Variants in LMCD1 observed in about 807,000 individuals in gnomAD.
The protein encoded by LMCD1 is LIM and cysteine-rich domains protein 1.
LMCD1 carries 32 observed loss-of-function variants against 42.7 expected under a neutral mutation model. The ratio of observed to expected loss-of-function variants is 0.75; its 90% confidence interval spans 0.57 to 1.01. The LOEUF (loss-of-function observed/expected upper bound fraction) is 1.01. LMCD1 is among the 50% of genes least tolerant of loss of function. The pLI is 0.00. For synonymous variants in LMCD1, 178 were observed against 184.9 expected (o/e 0.96, Z 0.30); for missense variants, 458 against 483.1 (o/e 0.95, Z 0.49).
rs751600998 is a variant in LMCD1, at chr3:8,502,010, G to C, written c.42+30G>C. The C allele has an allele frequency of 5.3e-6, 8 of 1,499,998 alleles. No individual in the cohort carries two copies. In the Admixed American group the frequency reaches 1.1e-4, roughly 20 times the overall value. 92.9% of individuals were successfully genotyped at this position (1,499,998 alleles called of 1,614,324 possible). A position where few individuals can be genotyped will look rare whatever the true frequency, so the allele number is the denominator to read the frequency against. The stretch of plus-strand genomic sequence containing the variant: ...GTGGAAAGCTGTTTGTATTTACCCA[G>C]ATTCTTACTTTTTCTTGTTCCCCTT... On this transcript the variant is annotated intron_variant, in intron 1 of 5. Transcript: ENST00000157600.
At position 8,552,726 on chromosome 3, in the gene LMCD1, T is replaced by C. The variant is rs535779631; in HGVS notation, c.723+3823T>C. Among the ~76,000 whole-genome samples, 15 of 152,296 alleles carry C rather than the reference T, an allele frequency of 9.8e-5. No individual in the cohort carries two copies. In the East Asian group the frequency reaches 2.5e-3, roughly 25 times the overall value. On this transcript the variant is annotated intron_variant, in intron 4 of 5. Coordinates refer to ENST00000157600, the MANE Select transcript of LMCD1 (RefSeq NM_014583.4). Reference sequence around the variant, plus strand: ...AGATGTATTTGGCCTGCTGGCTCTATGTATGTATGTATTTTGAGATGGAGT... The same window carrying C: ...AGATGTATTTGGCCTGCTGGCTCTACGTATGTATGTATTTTGAGATGGAGT...
rs192552758 is a variant in LMCD1, at chr3:8,550,833, C to A, written c.723+1930C>A. On this transcript the variant is annotated intron_variant, in intron 4 of 5. Coordinates refer to ENST00000157600, the MANE Select transcript of LMCD1 (RefSeq NM_014583.4). ...CTAAGTTGGAAGGAGACCTCTAAGT[C>A]ACTGTAGCATTTCCAAATCGCCATT... is the stretch of plus-strand genomic sequence containing the variant. 3.7e-5 allele frequency: 36 copies of A among 985,202 alleles called. No individual in the cohort carries two copies. In the East Asian group the frequency reaches 3.5e-3, roughly 96 times the overall value. The allele number at this position is 985,202 out of a possible 1,614,324, so 61.0% of individuals were successfully genotyped here. A position where few individuals can be genotyped will look rare whatever the true frequency, so the allele number is the denominator to read the frequency against.
In LMCD1 at chr3:8,501,945, A is replaced by C. The variant is rs771691806; in HGVS notation, c.7A>C (p.Lys3Gln). Reference sequence around the variant, plus strand: ...TCCCCCACCCCAGAAGAGGATGGCAAAGGTGGCTAAGGACCTCAACCCAGG... The same window carrying C: ...TCCCCCACCCCAGAAGAGGATGGCACAGGTGGCTAAGGACCTCAACCCAGG... MA[K>Q]VAKDLNPGVK... The change falls in exon 1 of 6, where the codon AAG (lysine) becomes CAG (glutamine). Residue 3 changes from lysine (K) to glutamine (Q), a missense_variant. Coordinates refer to ENST00000157600, the MANE Select transcript of LMCD1 (RefSeq NM_014583.4). 1 of 1,594,064 alleles carries C rather than the reference A, an allele frequency of 6.3e-7. No homozygotes were observed. Among genetic ancestry groups the C allele is most frequent in the Non-Finnish European group, 8.5e-7 (1 of 1,171,514 alleles).
intron 1 of LMCD1, among the ~76,000 whole-genome samples, chr3:8,506,837 G>C (rs1323763987): frequency 6.6e-6 from 1 of 152,174 alleles, no homozygotes; most frequent in African/African-American, 2.4e-5. Flanking sequence ...GGCAGAATTT[G>C]GATGAGAACC....
chr3:8,510,324 C>G (rs1416991397), intron 1 of LMCD1, among the ~76,000 whole-genome samples: 1 of 152,184 alleles, frequency 6.6e-6, no homozygotes, highest in Non-Finnish European at 1.5e-5. Context: ...GCCAGCCAGT[C>G]TCCTTGTTAA....
In LMCD1 at chr3:8,570,198, G is replaced by A. The variant is rs1695190110; in HGVS notation, c.*2600G>A. 1 of 152,522 alleles carries A rather than the reference G, an allele frequency of 6.6e-6. No individual in the cohort carries two copies. Among genetic ancestry groups the A allele is most frequent in the Non-Finnish European group, 1.5e-5 (1 of 68,314 alleles). The allele number at this position is 152,522 out of a possible 1,614,324, so 9.4% of individuals were successfully genotyped here. On this transcript the variant is annotated 3_prime_UTR_variant, in exon 6 of 6. Transcript: ENST00000157600. ...GTGGCAGGAGCACAGAGCATGGTGA[G>A]GAGGGTGGGCCTGGGGCATGAGAGG...
chr3:8,561,862 T>G (rs1261258973), intron 4 of LMCD1, among the ~76,000 whole-genome samples: 1 of 130,890 alleles, frequency 7.6e-6, no homozygotes, highest in Non-Finnish European at 1.6e-5. Flanking sequence ...CCATTGTCGT[T>G]TCCATCATCA....
At chr3:8,553,876 C>T (rs956930986) in intron 4 of LMCD1, among the ~76,000 whole-genome samples, 1 of 152,152 alleles carries the variant, frequency 6.6e-6, no homozygotes, top group Non-Finnish European at 1.5e-5. Flanking sequence ...GAAGCGAGCC[C>T]TTTTCCATCA....
intron 3 of LMCD1, 176 bp downstream of exon 3, chr3:8,537,616 A>C: frequency 1.5e-6 from 1 of 662,962 alleles, no homozygotes; most frequent in Non-Finnish European, 2.4e-6. Context: ...AATGAAGACT[A>C]TCTGGGCCTC....
intron 1 of LMCD1, among the ~76,000 whole-genome samples, chr3:8,526,259 G>T (rs1313703708): frequency 6.6e-6 from 1 of 152,190 alleles, no homozygotes; most frequent in African/African-American, 2.4e-5. Flanking sequence ...AGAAAAACGT[G>T]TGAGGGCCCC....
Position 8,565,412 on chromosome 3 carries a change from G to A in LMCD1, c.724-20G>A, listed in dbSNP as rs760922727. ...TCTCCTGACTTCCTTGTCTCCTATG[G>A]TCCTTCCCCATCCTTCCAGGTCTGC... On this transcript the variant is annotated intron_variant, in intron 4 of 5. Transcript: ENST00000157600. 1.6e-5 allele frequency: 26 copies of A among 1,607,500 alleles called. No homozygotes were observed. The highest frequency in any genetic ancestry group is 6.6e-5 in the South Asian group (6 of 90,968).
At chr3:8,566,391 T>A (rs1228957161) in intron 5 of LMCD1, among the ~76,000 whole-genome samples, 1 of 152,208 alleles carries the variant, frequency 6.6e-6, no homozygotes, top group East Asian at 1.9e-4. Flanking sequence ...AGAAATGTCT[T>A]CTTTATATTG....
chr3:8,537,403 C>T lies in LMCD1; in HGVS notation c.350C>T (p.Thr117Ile), dbSNP rs1694531339. The change falls in exon 3 of 6, where the codon ACC (threonine) becomes ATC (isoleucine). Residue 117 changes from threonine to isoleucine, a missense_variant. Thr to Ile is a moderately conservative substitution (Grantham distance 89). Transcript: ENST00000157600. ...TGKDPTFDTI[T>I]YEWAPPGVTQ... ...AAAGATCCCACTTTTGACACCATCA[C>T]CTACGAGTGGGCTCCCCCTGGAGTC... 6.2e-7 allele frequency: 1 copy of T among 1,607,372 alleles called. No homozygotes were observed. Among genetic ancestry groups the T allele is most frequent in the African/African-American group, 1.3e-5 (1 of 74,810 alleles).
At chr3:8,517,357 T>C (rs1300750381) in intron 1 of LMCD1, among the ~76,000 whole-genome samples, 7 of 152,214 alleles carry the variant, frequency 4.6e-5, no homozygotes, top group Non-Finnish European at 1.0e-4. Flanking sequence ...TTGGATCTTG[T>C]CCCCAAGATA....
At chr3:8,511,172 A>G (rs1293068118) in intron 1 of LMCD1, among the ~76,000 whole-genome samples, 1 of 152,276 alleles carries the variant, frequency 6.6e-6, no homozygotes, top group Non-Finnish European at 1.5e-5. Context: ...TTCTTGGCAC[A>G]GTACTTGACA....
At chr3:8,559,542 T>G (rs1694989752) in intron 4 of LMCD1, among the ~76,000 whole-genome samples, 1 of 152,212 alleles carries the variant, frequency 6.6e-6, no homozygotes, top group Admixed American at 6.5e-5. Context: ...CAGTCTGACT[T>G]GGTATCTCCC....
At chr3:8,539,964 C>T (rs1694590992) in intron 3 of LMCD1, among the ~76,000 whole-genome samples, 2 of 143,146 alleles carry the variant, frequency 1.4e-5, no homozygotes, top group Admixed American at 6.8e-5. Flanking sequence ...TAATGCTATC[C>T]CTCCCCCAGG....
In LMCD1 at chr3:8,506,860, G is replaced by A. The variant is rs1693891705; in HGVS notation, c.42+4880G>A. ...TTGGATGAGAACCAGGGTTCCTTCTGCCTCCAGCCCACTGACTTTTCCTTT... is the reference window on the plus strand; with the variant it reads ...TTGGATGAGAACCAGGGTTCCTTCTACCTCCAGCCCACTGACTTTTCCTTT... On this transcript the variant is annotated intron_variant, in intron 1 of 5. Coordinates refer to ENST00000157600, the MANE Select transcript of LMCD1 (RefSeq NM_014583.4). Among the ~76,000 whole-genome samples, 2 of 152,130 alleles carry A rather than the reference G, an allele frequency of 1.3e-5. 1 individual carries two copies. Among genetic ancestry groups the A allele is most frequent in the South Asian group, 4.1e-4 (2 of 4,824 alleles).
chr3:8,549,726 G>A (rs1559355098), intron 4 of LMCD1: 1 of 673,038 alleles, frequency 1.5e-6, no homozygotes, highest in Non-Finnish European at 2.7e-6. Flanking sequence ...ATACATCTGT[G>A]GAGGCTGAGA....
Sources: gnomAD v4.1 joint callset for allele counts (sites outside exome capture counted in the v4.1 genomes callset) on GRCh38, gnomAD v4.1.1 for gene constraint, MANE v1.5 for transcripts, NCBI Gene and HGNC (gene_info 2026-07-23, HGNC 2026-07-21) for gene names.